SOX6: variants seen among roughly 807,000 people sequenced by gnomAD.
SOX6 encodes the protein SRY-box transcription factor 6.
Under a neutral mutation model 97.8 loss-of-function variants are expected in SOX6, and 11 were observed. The observed-to-expected ratio is 0.11, with a 90% confidence interval of 0.07 to 0.19. The LOEUF (loss-of-function observed/expected upper bound fraction) is 0.19, where lower values mean the gene tolerates loss of function less well. Ranked by LOEUF, SOX6 falls within the 10% of genes least tolerant of loss-of-function variation. The probability of loss-of-function intolerance (pLI) is 1.00; values close to 1 mark genes in which losing one functional copy is unlikely to be tolerated. For missense variants in SOX6, 810 were observed against 1,039.5 expected, an observed-to-expected ratio of 0.78 and a Z score of 3.04; for synonymous variants, 360 against 371.4, an observed-to-expected ratio of 0.97 and a Z score of 0.35.
At chr11:16,191,478 C>A (rs1316820412) in intron 4 of SOX6, among the ~76,000 whole-genome samples, 1 of 152,020 alleles carries the variant, frequency 6.6e-6, no homozygotes, top group Admixed American at 6.6e-5. Context: ...AAAGAAAAAT[C>A]ATGTCCTAAA....
At chr11:16,582,992 A>C (rs775879975) in intron 4 of SOX6, among the ~76,000 whole-genome samples, 6 of 152,110 alleles carry the variant, frequency 3.9e-5, no homozygotes, top group Non-Finnish European at 7.4e-5. Flanking sequence ...ATAGCACCAA[A>C]ATAAATGAAT....
intron 6 of SOX6, among the ~76,000 whole-genome samples, chr11:16,147,504 TA>T (rs965450976): frequency 1.4e-4 from 21 of 150,890 alleles, no homozygotes; most frequent in African/African-American, 3.9e-4. Flanking sequence ...AGTATAATAA[TA>T]AAAAAAAATA....
chr11:16,449,634 G>T (rs1859683557), intron 1 of SOX6, among the ~76,000 whole-genome samples: 1 of 152,086 alleles, frequency 6.6e-6, no homozygotes, highest in Non-Finnish European at 1.5e-5. Context: ...CCAATTGGTT[G>T]CCTGCCATGT....
At chr11:16,623,689 T>C (rs962638703) in intron 3 of SOX6, among the ~76,000 whole-genome samples, 8 of 152,228 alleles carry the variant, frequency 5.3e-5, no homozygotes, top group African/African-American at 9.6e-5. Context: ...ATTTTTACAG[T>C]TTCACGTCTT....
At chr11:16,117,665 T>C (rs557513007) in intron 6 of SOX6, among the ~76,000 whole-genome samples, 1 of 152,240 alleles carries the variant, frequency 6.6e-6, no homozygotes, top group Admixed American at 6.5e-5. Flanking sequence ...ATATTTTCCT[T>C]TTATGGAAGT....
chr11:16,071,401 G>A (rs1848221412), intron 9 of SOX6, among the ~76,000 whole-genome samples: 1 of 152,200 alleles, frequency 6.6e-6, no homozygotes, highest in Non-Finnish European at 1.5e-5. Context: ...TGATGTCCTG[G>A]GAAGTGCCCA....
intron 12 of SOX6, among the ~76,000 whole-genome samples, chr11:16,016,082 G>T (rs1188579264): frequency 6.6e-6 from 1 of 151,968 alleles, no homozygotes; most frequent in Non-Finnish European, 1.5e-5. Context: ...GAGCATGTTC[G>T]GCATTAGATG....
At chr11:16,711,593 C>T (rs552880509) in intron 3 of SOX6, among the ~76,000 whole-genome samples, 27 of 152,196 alleles carry the variant, frequency 1.8e-4, no homozygotes, top group Non-Finnish European at 3.5e-4. Flanking sequence ...GAAATCCAAA[C>T]TTCATTTCAT....
intron 3 of SOX6, among the ~76,000 whole-genome samples, chr11:16,235,032 G>A (rs1852974103): frequency 6.6e-6 from 1 of 151,818 alleles, no homozygotes; most frequent in African/African-American, 2.4e-5. Context: ...TTTTAATCCA[G>A]GCAATATTTT....
intron 6 of SOX6, among the ~76,000 whole-genome samples, chr11:16,119,027 A>G (rs1849423910): frequency 6.6e-6 from 1 of 152,150 alleles, no homozygotes; most frequent in Non-Finnish European, 1.5e-5. Context: ...GGTGGGAGAG[A>G]GAGGTGCAAG....
chr11:16,079,983 TAC>T (rs1848437466), intron 9 of SOX6, among the ~76,000 whole-genome samples: 1 of 148,374 alleles, frequency 6.7e-6, no homozygotes, highest in Admixed American at 6.6e-5. Context: ...GATACTGATA[TAC>T]AGCACAATAA....
At chr11:16,723,549 C>G (rs1039184456) in intron 2 of SOX6, among the ~76,000 whole-genome samples, 54 of 152,200 alleles carry the variant, frequency 3.5e-4, no homozygotes, top group African/African-American at 1.3e-3. Flanking sequence ...ATAGCTCACA[C>G]CTGTAATCCT....
chr11:16,536,770 G>A (rs1454517104), intron 4 of SOX6, among the ~76,000 whole-genome samples: 2 of 152,210 alleles, frequency 1.3e-5, no homozygotes, highest in Non-Finnish European at 2.9e-5. Context: ...CCATTGCTGA[G>A]GCTTGAGTAG....
At chr11:16,524,361 G>C (rs1392408365) in intron 4 of SOX6, among the ~76,000 whole-genome samples, 1 of 151,652 alleles carries the variant, frequency 6.6e-6, no homozygotes, top group Non-Finnish European at 1.5e-5. Context: ...CATATAAACA[G>C]AACCAAAGAC....
intron 13 of SOX6, among the ~76,000 whole-genome samples, chr11:16,004,260 G>A (rs1277198037): frequency 1.3e-5 from 2 of 151,848 alleles, no homozygotes; most frequent in African/African-American, 2.4e-5. Context: ...CAAGTCTCAC[G>A]GTTAATAAAT....
chr11:15,986,008 T>A (rs1401182310), intron 15 of SOX6, among the ~76,000 whole-genome samples, 196 bp downstream of exon 15: 1 of 152,138 alleles, frequency 6.6e-6, no homozygotes, highest in Non-Finnish European at 1.5e-5. Flanking sequence ...TGTTCCAGGT[T>A]TGGCTTGATT....
intron 1 of SOX6, among the ~76,000 whole-genome samples, chr11:16,431,926 T>C (rs1453698323): frequency 6.6e-6 from 1 of 152,096 alleles, no homozygotes; most frequent in Non-Finnish European, 1.5e-5. Flanking sequence ...AAATTCTCCA[T>C]AGTAAATAAG....
At chr11:16,005,848 C>A (rs889145790) in intron 13 of SOX6, among the ~76,000 whole-genome samples, 3 of 151,974 alleles carry the variant, frequency 2.0e-5, no homozygotes, top group Non-Finnish European at 2.9e-5. Flanking sequence ...CCAAATGTAG[C>A]AGTTTATAGT....
chr11:16,281,315 TC>T (rs1382880083), intron 3 of SOX6, among the ~76,000 whole-genome samples: 1 of 152,050 alleles, frequency 6.6e-6, no homozygotes, highest in Admixed American at 6.6e-5. Context: ...TCTCTCTCTC[TC>T]CGAGTAACAG....
Sources: gnomAD v4.1 joint callset for allele counts (sites outside exome capture counted in the v4.1 genomes callset) on GRCh38, gnomAD v4.1.1 for gene constraint, MANE v1.5 for transcripts, NCBI Gene and HGNC (gene_info 2026-07-23, HGNC 2026-07-21) for gene names.